The following GLT1D1 variants were observed in gnomAD, a reference collection of about 807,000 sequenced individuals.
GLT1D1 encodes the protein glycosyltransferase 1 domain containing 1, also known as glycosyltransferase 1 domain-containing protein 1.
A neutral mutation model predicts 28.7 loss-of-function variants in GLT1D1; 21 were observed. That is an observed-to-expected ratio of 0.73 (90% CI 0.52 to 1.05). GLT1D1 has a LOEUF of 1.05. Ranked by LOEUF, GLT1D1 falls within the 50% of genes least tolerant of loss-of-function variation. The pLI, the probability that GLT1D1 is intolerant of heterozygous loss-of-function variation, is 0.00. For missense variants in GLT1D1, 343 were observed against 330.6 expected, an observed-to-expected ratio of 1.04 and a Z score of -0.29; for synonymous variants, 147 against 124.8, an observed-to-expected ratio of 1.18 and a Z score of -1.19.
At chr12:128,956,400 TG>T (rs1877319621) in intron 6 of GLT1D1, among the ~76,000 whole-genome samples, 1 of 152,134 alleles carries the variant, frequency 6.6e-6, no homozygotes, top group Non-Finnish European at 1.5e-5. Flanking sequence ...AAAACCAGAA[TG>T]GTTATATTGT....
At chr12:128,862,995 G>A (rs1956417941) in intron 1 of GLT1D1, among the ~76,000 whole-genome samples, 1 of 152,192 alleles carries the variant, frequency 6.6e-6, no homozygotes, top group African/African-American at 2.4e-5. Flanking sequence ...AGGGTCCAAG[G>A]AAGAGCTTCC....
chr12:128,948,821 T>C (rs1876395202), intron 6 of GLT1D1, among the ~76,000 whole-genome samples: 2 of 152,060 alleles, frequency 1.3e-5, no homozygotes, highest in Non-Finnish European at 2.9e-5. Flanking sequence ...TGACTGACGT[T>C]GTATGCATAA....
rs11833849 is a variant in GLT1D1 at position 128,936,931 on chromosome 12, T to C, written c.376-8395T>C. Among the ~76,000 whole-genome samples, 982 of 152,330 alleles carry C rather than the reference T, an allele frequency of 6.4e-3. 17 individuals are homozygous for C. Among genetic ancestry groups the C allele is most frequent in the African/African-American group, 0.023 (947 of 41,564 alleles). On this transcript the variant is annotated intron_variant, in intron 4 of 7. Transcript: ENST00000281703. ...GTTCCACGTGGCTTCACTAAGAGATTTGAAAGTGAACTGATGTGGAAGGTA... is the reference window on the plus strand; with the variant it reads ...GTTCCACGTGGCTTCACTAAGAGATCTGAAAGTGAACTGATGTGGAAGGTA...
intron 2 of GLT1D1, among the ~76,000 whole-genome samples, chr12:128,882,519 A>C (rs1398405266): frequency 6.6e-6 from 1 of 152,034 alleles, no homozygotes; most frequent in African/African-American, 2.4e-5. Flanking sequence ...CAGGTGACCC[A>C]CCACCTACCT....
Position 128,888,702 on chromosome 12 carries a change from C to A in GLT1D1, c.281C>A (p.Ala94Glu), listed in dbSNP as rs73440307. The change falls in exon 3 of 8, where the codon GCG becomes GAG. Residue 94 changes from alanine to glutamate, a missense_variant. Physicochemically the swap from Ala to Glu is moderately radical, Grantham distance 107 (BLOSUM62 -1). Coordinates refer to ENST00000281703, the MANE Select transcript of GLT1D1 (RefSeq NM_144669.3). ...GATGTAAATGAAGATGCCAACCAGGCGGAAAAAAACACAGTCATGGGCAGA... is the reference window on the plus strand; with the variant it reads ...GATGTAAATGAAGATGCCAACCAGGAGGAAAAAAACACAGTCATGGGCAGA... 3.7e-6 allele frequency: 6 copies of A among 1,613,258 alleles called. No individual in the cohort carries two copies. The highest frequency in any genetic ancestry group is 5.1e-6 in the Non-Finnish European group (6 of 1,179,548).
intron 4 of GLT1D1, among the ~76,000 whole-genome samples, chr12:128,932,263 G>A (rs1874000029): frequency 6.6e-6 from 1 of 152,122 alleles, no homozygotes; most frequent in African/African-American, 2.4e-5. Context: ...ATACGTGGTA[G>A]GCAAGTACGG....
chr12:128,955,115 A>T (rs1877139277), intron 6 of GLT1D1, among the ~76,000 whole-genome samples: 1 of 152,244 alleles, frequency 6.6e-6, no homozygotes, highest in African/African-American at 2.4e-5. Context: ...ACTAGTATCT[A>T]GTGGAACCAG....
intron 4 of GLT1D1, among the ~76,000 whole-genome samples, chr12:128,920,615 G>A (rs1182328580): frequency 1.3e-5 from 2 of 152,142 alleles, no homozygotes; most frequent in Non-Finnish European, 2.9e-5. Flanking sequence ...AGAATACAGG[G>A]CATAGAGACT....
In GLT1D1 at chr12:128,947,191, A is replaced by G. The variant is rs933125762; in HGVS notation, c.420-147A>G. 28 of 820,398 alleles carry G rather than the reference A, an allele frequency of 3.4e-5. No homozygotes were observed. In the African/African-American group the frequency reaches 4.6e-4, roughly 13 times the overall value. 50.8% of individuals were successfully genotyped at this position (820,398 alleles called of 1,614,324 possible). ...CATGAGCTGTAAGGATTTCCACCCC[A>G]GTATAGTTCTCCTGGCTGAACGCTT... On this transcript the variant is annotated intron_variant, in intron 5 of 7. Coordinates refer to ENST00000281703, the MANE Select transcript of GLT1D1 (RefSeq NM_144669.3).
intron 2 of GLT1D1, among the ~76,000 whole-genome samples, chr12:128,877,637 C>T (rs1462606594): frequency 6.6e-6 from 1 of 152,206 alleles, no homozygotes; most frequent in African/African-American, 2.4e-5. Flanking sequence ...CTCTTATCCC[C>T]ACTGTATTAT....
At chr12:128,939,837 A>ACCCCC (rs34870104) in intron 4 of GLT1D1, among the ~76,000 whole-genome samples, 1 of 97,598 alleles carries the variant, frequency 1.0e-5, no homozygotes, top group African/African-American at 4.7e-5. Flanking sequence ...ATTGTTAGAA[A>ACCCCC]CCCCCCCCCA....
chr12:128,950,579 T>TA (rs1876596292), intron 6 of GLT1D1, among the ~76,000 whole-genome samples: 1 of 152,098 alleles, frequency 6.6e-6, no homozygotes, highest in Non-Finnish European at 1.5e-5. Flanking sequence ...CCTTGAAGCT[T>TA]AAAAAACCAT....
At chr12:128,865,384 G>T (rs1209636127) in intron 1 of GLT1D1, among the ~76,000 whole-genome samples, 2 of 152,104 alleles carry the variant, frequency 1.3e-5, no homozygotes, top group Middle Eastern at 3.4e-3. Flanking sequence ...TGATGTTTTG[G>T]ACTATGAATA....
chr12:128,978,470 T>A (rs1167810307), intron 7 of GLT1D1, among the ~76,000 whole-genome samples: 1 of 152,160 alleles, frequency 6.6e-6, no homozygotes, highest in Non-Finnish European at 1.5e-5. Flanking sequence ...ATTGCTGCAG[T>A]GGATCCGGGC....
At chr12:128,939,846 C>T (rs561389703) in intron 4 of GLT1D1, among the ~76,000 whole-genome samples, 4 of 131,022 alleles carry the variant, frequency 3.1e-5, no homozygotes, top group East Asian at 4.2e-4. Context: ...AACCCCCCCC[C>T]ACCGCCGATC....
At chr12:128,903,101 C>T (rs1256857614) in intron 4 of GLT1D1, among the ~76,000 whole-genome samples, 1 of 151,598 alleles carries the variant, frequency 6.6e-6, no homozygotes, top group Admixed American at 6.6e-5. Context: ...TTTTCTCTAA[C>T]TTGTCAGCCT....
At chr12:128,877,751 CT>C (rs368200972) in intron 2 of GLT1D1, among the ~76,000 whole-genome samples, 126 of 152,318 alleles carry the variant, frequency 8.3e-4, no homozygotes, top group African/African-American at 2.9e-3. Flanking sequence ...AAATTACCCC[CT>C]GCCCCAACTT....
intron 6 of GLT1D1, among the ~76,000 whole-genome samples, chr12:128,954,712 G>A (rs1877095664): frequency 2.0e-5 from 3 of 152,216 alleles, no homozygotes; most frequent in Admixed American, 2.0e-4. Context: ...CAGTTTGGGA[G>A]GCCAAGGTGG....
intron 6 of GLT1D1, among the ~76,000 whole-genome samples, chr12:128,954,557 A>G (rs1350354068): frequency 6.6e-6 from 1 of 152,208 alleles, no homozygotes; most frequent in Non-Finnish European, 1.5e-5. Context: ...ACTATGCTCT[A>G]TAAAACTTAC....
Sources: gnomAD v4.1 joint callset for allele counts (sites outside exome capture counted in the v4.1 genomes callset) on GRCh38, gnomAD v4.1.1 for gene constraint, MANE v1.5 for transcripts, NCBI Gene and HGNC (gene_info 2026-07-23, HGNC 2026-07-21) for gene names.